Variants in NRXN3 observed in about 807,000 individuals in gnomAD.
NRXN3 encodes the protein neurexin 3.
In NRXN3, 32 loss-of-function variants were observed where a neutral mutation model predicts 137.6. That is an observed-to-expected ratio of 0.23 (90% confidence interval 0.18 to 0.31). NRXN3 has a LOEUF of 0.31. NRXN3 is among the 10% of genes least tolerant of loss of function. The pLI, the probability that NRXN3 is intolerant of heterozygous loss-of-function variation, is 1.00. For synonymous variants in NRXN3, 798 were observed against 784.5 expected (o/e 1.02, Z -0.29); for missense variants, 1,574 against 2,062.5 (o/e 0.76, Z 4.59).
chr14:79,053,912 G>T (rs533263556), intron 15 of NRXN3, among the ~76,000 whole-genome samples: 69 of 152,164 alleles, frequency 4.5e-4, no homozygotes, highest in African/African-American at 1.6e-3. Context: ...TTTTAAGCTG[G>T]AGAGTTACCT....
chr14:79,822,670 A>G (rs949648479), intron 20 of NRXN3, among the ~76,000 whole-genome samples: 1 of 152,214 alleles, frequency 6.6e-6, no homozygotes, highest in Non-Finnish European at 1.5e-5. Context: ...TGAACTAATA[A>G]TGATGATGTT....
chr14:78,673,710 T>A (rs937507059), intron 6 of NRXN3, among the ~76,000 whole-genome samples: 1 of 152,166 alleles, frequency 6.6e-6, no homozygotes, highest in South Asian at 2.1e-4. Flanking sequence ...ATCATCTCTC[T>A]TGTTTCTCTT....
chr14:78,897,770 G>A (rs77979331), intron 10 of NRXN3, among the ~76,000 whole-genome samples: 2,347 of 152,044 alleles, frequency 0.015, 34 homozygotes, highest in African/African-American at 0.036. Context: ...TCAGATTGGG[G>A]TGAAAAGAGG....
chr14:78,450,711 A>G (rs2094531475), intron 4 of NRXN3, among the ~76,000 whole-genome samples: 1 of 152,206 alleles, frequency 6.6e-6, no homozygotes, highest in Non-Finnish European at 1.5e-5. Context: ...GACTTATGTA[A>G]CACATTCACA....
intron 15 of NRXN3, among the ~76,000 whole-genome samples, chr14:79,126,325 CCG>C (rs2056452283): frequency 6.7e-6 from 1 of 148,662 alleles, no homozygotes; most frequent in Non-Finnish European, 1.5e-5. Context: ...TCCCTCCCCC[CCG>C]CCCCACCCCA....
At chr14:79,415,338 T>C (rs2095480989) in intron 15 of NRXN3, among the ~76,000 whole-genome samples, 1 of 152,308 alleles carries the variant, frequency 6.6e-6, no homozygotes, top group South Asian at 2.1e-4. Flanking sequence ...ACTAAACATG[T>C]ACAGTTTTTT....
chr14:78,878,840 C>T (rs1198792711), intron 10 of NRXN3, among the ~76,000 whole-genome samples: 1 of 152,032 alleles, frequency 6.6e-6, no homozygotes, highest in Non-Finnish European at 1.5e-5. Flanking sequence ...GGTCAAACAT[C>T]TCTCTAATCC....
chr14:78,381,952 G>A (rs1220395334), intron 4 of NRXN3, among the ~76,000 whole-genome samples: 2 of 152,096 alleles, frequency 1.3e-5, no homozygotes, highest in East Asian at 1.9e-4. Flanking sequence ...GAATGTGTGC[G>A]GCTGTGAAAG....
chr14:78,417,118 C>T (rs2093181919), intron 4 of NRXN3, among the ~76,000 whole-genome samples: 1 of 152,336 alleles, frequency 6.6e-6, no homozygotes, highest in South Asian at 2.1e-4. Context: ...ATGCTGGCCC[C>T]CGGCTTAAAG....
intron 15 of NRXN3, among the ~76,000 whole-genome samples, chr14:79,045,911 T>TCTA (rs1448631851): frequency 2.0e-5 from 3 of 152,176 alleles, no homozygotes; most frequent in Non-Finnish European, 4.4e-5. Flanking sequence ...GTGATGCTGA[T>TCTA]GCAAAACAGC....
chr14:78,614,921 A>G (rs2097332503), intron 4 of NRXN3: 1 of 456,372 alleles, frequency 2.2e-6, no homozygotes, highest in Admixed American at 2.4e-5. Flanking sequence ...ACCTCAAAGC[A>G]TGACTAAGCC....
chr14:78,869,651 G>C (rs79703927), intron 10 of NRXN3, among the ~76,000 whole-genome samples: 3,640 of 152,124 alleles, frequency 0.024, 145 homozygotes, highest in African/African-American at 0.082. Context: ...CTCCAACAGG[G>C]TAAGTTCTGC....
chr14:78,686,379 C>A (rs2098126126), intron 6 of NRXN3, among the ~76,000 whole-genome samples: 1 of 152,152 alleles, frequency 6.6e-6, no homozygotes, highest in South Asian at 2.1e-4. Context: ...CAGGACTTGT[C>A]AGGAGCTCTT....
At chr14:79,006,224 C>T (rs1025550512) in intron 15 of NRXN3, among the ~76,000 whole-genome samples, 1 of 114,386 alleles carries the variant, frequency 8.7e-6, no homozygotes. Context: ...GACCCTAGTG[C>T]AATGTCTGAT....
chr14:79,528,782 A>G, intron 16 of NRXN3, among the ~76,000 whole-genome samples: 1 of 152,110 alleles, frequency 6.6e-6, no homozygotes, highest in East Asian at 1.9e-4. Context: ...GAAAAAATGG[A>G]TGATTTTGTT....
rs1463401244 is a variant in NRXN3 at position 78,512,972 on chromosome 14, C to T, written c.758-132148C>T. Among the ~76,000 whole-genome samples, 6 of 152,318 alleles carry T rather than the reference C, an allele frequency of 3.9e-5. No homozygotes were observed. The South Asian group carries it at 6.2e-4, about 16-fold the overall frequency. On this transcript the variant is annotated intron_variant, in intron 4 of 20. Coordinates refer to ENST00000335750, the MANE Select transcript of NRXN3 (RefSeq NM_001330195.2). Reference sequence around the variant, plus strand: ...TGCCCCAGGCTTAGAGAAGTAAGGGCAAGCTAGCCCAATTCTGTTTGCTCC... The same window carrying T: ...TGCCCCAGGCTTAGAGAAGTAAGGGTAAGCTAGCCCAATTCTGTTTGCTCC...
At chr14:79,424,359 TTTACAGTAATTGG>T in intron 15 of NRXN3, among the ~76,000 whole-genome samples, 1 of 152,290 alleles carries the variant, frequency 6.6e-6, no homozygotes, top group African/African-American at 2.4e-5. Context: ...CCTCCTAATC[TTTACAGTAATTGG>T]TTTTAAGGGT....
chr14:78,254,441 G>A (rs1292128623), intron 2 of NRXN3, among the ~76,000 whole-genome samples: 1 of 152,168 alleles, frequency 6.6e-6, no homozygotes, highest in African/African-American at 2.4e-5. Flanking sequence ...AGCACTTTGG[G>A]AGGCCGAGGC....
At chr14:79,531,222 A>G (rs1440246920) in intron 16 of NRXN3, among the ~76,000 whole-genome samples, 1 of 152,180 alleles carries the variant, frequency 6.6e-6, no homozygotes, top group East Asian at 1.9e-4. Context: ...TAAGCTTTGT[A>G]GAAAGTACAG....
Sources: gnomAD v4.1 joint callset for allele counts (sites outside exome capture counted in the v4.1 genomes callset) on GRCh38, gnomAD v4.1.1 for gene constraint, MANE v1.5 for transcripts, NCBI Gene and HGNC (gene_info 2026-07-23, HGNC 2026-07-21) for gene names.